The following SNAP47 variants were observed in gnomAD, a reference collection of about 807,000 sequenced individuals.
The protein encoded by SNAP47 is synaptosome associated protein 47, also known as synaptosomal-associated protein 47.
A neutral mutation model predicts 31.4 loss-of-function variants in SNAP47; 20 were observed. The observed-to-expected ratio is 0.64, with a 90% CI of 0.45 to 0.93. SNAP47 has a LOEUF of 0.93. Among genes scored for constraint, SNAP47 ranks in the 40% least tolerant of loss-of-function variants. The pLI is 0.00. For missense variants in SNAP47, 492 were observed against 528.5 expected, an observed-to-expected ratio of 0.93 and a Z score of 0.68; for synonymous variants, 194 against 213.4, an observed-to-expected ratio of 0.91 and a Z score of 0.79.
In SNAP47 at chr1:227,759,450, C is replaced by G. The variant is rs773035560; in HGVS notation, c.953C>G (p.Ser318Cys). ...ALVLRSARTSSPAEKSCSVWH... is the reference protein window; with the variant it reads ...ALVLRSARTSCPAEKSCSVWH... The stretch of plus-strand genomic sequence containing the variant: ...GTGCTCAGAAGCGCAAGAACCTCTT[C>G]CCCCGCAGAGAAGAGCTGCTCAGTC... Residue 318 changes from serine (S) to cysteine (C), a missense_variant, in exon 3 of 5, where the codon TCC becomes TGC. Coordinates refer to ENST00000617596, the MANE Select transcript of SNAP47 (RefSeq NM_053052.4). 9.3e-6 allele frequency: 15 copies of G among 1,614,162 alleles called. No individual in the cohort carries two copies. Among genetic ancestry groups the G allele is most frequent in the Non-Finnish European group, 1.3e-5 (15 of 1,180,042 alleles).
chr1:227,728,547 C>G (rs1429273683), upstream of SNAP47: 2 of 138,878 alleles, frequency 1.4e-5, no homozygotes, highest in Non-Finnish European at 3.2e-5. Flanking sequence ...CCCTCTCGAT[C>G]CAGCCTCCCG....
intron 2 of SNAP47, among the ~76,000 whole-genome samples, chr1:227,750,544 G>C (rs1273308306): frequency 6.6e-6 from 1 of 152,348 alleles, no homozygotes; most frequent in South Asian, 2.1e-4. Flanking sequence ...GCTGGGACTG[G>C]CCCTCTGCCC....
At chr1:227,770,002 G>A (rs141257509) in intron 4 of SNAP47, among the ~76,000 whole-genome samples, 21 of 152,286 alleles carry the variant, frequency 1.4e-4, no homozygotes, top group African/African-American at 4.8e-4. Flanking sequence ...GGGAGAGTGG[G>A]TGGGAGCCTC....
At chr1:227,743,433 C>A (rs1459013467) in intron 1 of SNAP47, among the ~76,000 whole-genome samples, 1 of 152,174 alleles carries the variant, frequency 6.6e-6, no homozygotes, top group Non-Finnish European at 1.5e-5. Context: ...GGGCTCCGGC[C>A]TCCCATGGGC....
rs141585762 is a variant in SNAP47 at position 227,741,569 on chromosome 1, G to A, written c.-46+6070G>A. 3.7e-3 allele frequency among the ~76,000 whole-genome samples: 564 copies of A among 152,304 alleles called. 14 individuals carry two copies. The South Asian group carries it at 0.056, about 15-fold the overall frequency. On this transcript the variant is annotated intron_variant, in intron 1 of 4. Transcript: ENST00000617596. The surrounding 1 kb of genome is among the most constrained non-coding windows in gnomAD (Gnocchi z 4.2). ...ACGGAGACCATGCGTGGTCCTTCACGGAGAGTGCAGTGCCTGGCATGGGAG... is the reference window on the plus strand; with the variant it reads ...ACGGAGACCATGCGTGGTCCTTCACAGAGAGTGCAGTGCCTGGCATGGGAG...
At chr1:227,751,884 C>T (rs2102932009) in intron 2 of SNAP47, among the ~76,000 whole-genome samples, 1 of 150,908 alleles carries the variant, frequency 6.6e-6, no homozygotes, top group East Asian at 2.0e-4. Context: ...CTGCCTCAGC[C>T]TCCCAAGTAG....
rs56284828 is a variant in SNAP47 at position 227,748,011 on chromosome 1, G to A, written c.275G>A (p.Ser92Asn). Reference protein sequence around the residue: ...SLRPSRNVVFSIIEHFWRELL... With the variant: ...SLRPSRNVVFNIIEHFWRELL... ...CGGCCAAGTCGAAATGTGGTCTTCAGCATCATCGAGCATTTCTGGAGGGAG... is the reference window on the plus strand; with the variant it reads ...CGGCCAAGTCGAAATGTGGTCTTCAACATCATCGAGCATTTCTGGAGGGAG... Residue 92 changes from serine (S) to asparagine (N), a missense_variant, in exon 2 of 5, where the codon AGC (serine) becomes AAC (asparagine). Coordinates refer to ENST00000617596, the MANE Select transcript of SNAP47 (RefSeq NM_053052.4). 6.2e-7 allele frequency: 1 copy of A among 1,614,208 alleles called. No homozygotes were observed. The highest frequency in any genetic ancestry group is 1.3e-5 in the African/African-American group (1 of 75,064).
intron 2 of SNAP47, among the ~76,000 whole-genome samples, chr1:227,756,144 C>T (rs1662680362): frequency 6.6e-6 from 1 of 152,180 alleles, no homozygotes; most frequent in Admixed American, 6.5e-5. Flanking sequence ...TCACATTTGG[C>T]TCAGAATAAA....
chr1:227,761,066 G>A (rs1663027780), intron 3 of SNAP47, among the ~76,000 whole-genome samples: 1 of 152,218 alleles, frequency 6.6e-6, no homozygotes, highest in South Asian at 2.1e-4. Flanking sequence ...GTGCATGTAT[G>A]TGACATGTAC....
At chr1:227,772,550 G>A (rs1253756331) in intron 4 of SNAP47, among the ~76,000 whole-genome samples, 1 of 152,178 alleles carries the variant, frequency 6.6e-6, no homozygotes, top group Admixed American at 6.5e-5. Flanking sequence ...GCCGCTGTAA[G>A]CGTTCACGTG....
chr1:227,735,786 G>T (rs1661095430), intron 1 of SNAP47: 1 of 916,306 alleles, frequency 1.1e-6, no homozygotes, highest in Admixed American at 6.2e-5. Context: ...TAGCGGAGAT[G>T]GTAGGGTCCT....
At chr1:227,767,979 C>T (rs1389480079) in intron 4 of SNAP47, among the ~76,000 whole-genome samples, 4 of 152,236 alleles carry the variant, frequency 2.6e-5, no homozygotes, top group African/African-American at 9.6e-5. Context: ...GCCTAACATG[C>T]TGGCTTTCCA....
At chr1:227,757,490 G>A (rs373617858) in intron 2 of SNAP47, among the ~76,000 whole-genome samples, 1 of 152,182 alleles carries the variant, frequency 6.6e-6, no homozygotes, top group East Asian at 1.9e-4. Flanking sequence ...AGCAAACTGT[G>A]CACCTTTTGT....
At chr1:227,744,931 G>A (rs980839046) in intron 1 of SNAP47, among the ~76,000 whole-genome samples, 1 of 152,156 alleles carries the variant, frequency 6.6e-6, no homozygotes, top group African/African-American at 2.4e-5. Context: ...GGAGGGGCTC[G>A]CTCACTTGCC....
upstream of SNAP47, chr1:227,733,782 G>T: frequency 6.3e-7 from 1 of 1,583,114 alleles, no homozygotes; most frequent in Non-Finnish European, 8.5e-7. Flanking sequence ...GTGGCCCCTT[G>T]GTCTCAAGGG....
intron 4 of SNAP47, chr1:227,776,080 C>G: frequency 2.5e-6 from 3 of 1,183,624 alleles, no homozygotes; most frequent in Non-Finnish European, 3.2e-6. Context: ...TCAGGTTGTG[C>G]CTCTTGCTGC....
rs372560846 is a variant in SNAP47 at position 227,767,158 on chromosome 1, G to C, written c.1113+75G>C. 21 of 1,576,564 alleles carry C rather than the reference G, an allele frequency of 1.3e-5. No homozygotes were observed. The South Asian group carries it at 2.0e-4, about 15-fold the overall frequency. ...CGCAGGCTGCTCCTCTTGCCTTTCT[G>C]ATCACAAACAAGCTCTGGGTCATCC... is the stretch of plus-strand genomic sequence containing the variant. On this transcript the variant is annotated intron_variant, in intron 4 of 4. Transcript: ENST00000617596.
intron 2 of SNAP47, among the ~76,000 whole-genome samples, chr1:227,755,601 G>T (rs895778762): frequency 2.6e-5 from 4 of 152,088 alleles, no homozygotes; most frequent in Admixed American, 6.6e-5. Context: ...TGGCCGGGCT[G>T]GTCTTGAACT....
At chr1:227,735,656 G>A in intron 1 of SNAP47, 157 bp downstream of exon 1, 1 of 985,086 alleles carries the variant, frequency 1.0e-6, no homozygotes, top group African/African-American at 1.7e-5. Context: ...GAGAGGGGCG[G>A]GGACAGAGGC....
Sources: gnomAD v4.1 joint callset for allele counts (sites outside exome capture counted in the v4.1 genomes callset) on GRCh38, gnomAD v4.1.1 for gene constraint, Gnocchi (gnomAD v3.1) non-coding constraint, MANE v1.5 for transcripts, NCBI Gene and HGNC (gene_info 2026-07-23, HGNC 2026-07-21) for gene names.